Variants in SPR observed in about 807,000 individuals in gnomAD.
SPR encodes the protein Sepiapterin reductase (L-erythro-7,8-dihydrobiopterin forming).
SPR carries 12 observed loss-of-function variants against 16.0 expected under a neutral mutation model. That is an observed-to-expected ratio of 0.75 (90% CI 0.48 to 1.22). The LOEUF is 1.22. Ranked by LOEUF, SPR falls within the 50% of genes most tolerant of loss-of-function variation. The pLI, the probability that SPR is intolerant of heterozygous loss-of-function variation, is 0.00. For synonymous variants in SPR, 177 were observed against 168.5 expected (o/e 1.05, Z -0.39); for missense variants, 324 against 344.4 (o/e 0.94, Z 0.47).
At chr2:72,889,735 G>T (rs1474252636) in intron 2 of SPR, among the ~76,000 whole-genome samples, 1 of 152,226 alleles carries the variant, frequency 6.6e-6, no homozygotes, top group Non-Finnish European at 1.5e-5. Context: ...TCAGGAGGCT[G>T]CCCTGGGCAT....
In SPR at chr2:72,891,929, T is replaced by A. The variant is rs1201426689; in HGVS notation, c.*392T>A. The stretch of plus-strand genomic sequence containing the variant: ...ATCTGGTGTCGAATAGGAGGACCCA[T>A]GTAGATTCGCAGATGGCCTGGATGG... On this transcript the variant is annotated 3_prime_UTR_variant, in exon 3 of 3. Coordinates refer to ENST00000234454, the MANE Select transcript of SPR (RefSeq NM_003124.5). The A allele has an allele frequency of 7.7e-6, 2 of 261,046 alleles. No homozygotes were observed. Among genetic ancestry groups the A allele is most frequent in the Non-Finnish European group, 1.5e-5 (2 of 131,674 alleles). 16.2% of individuals were successfully genotyped at this position (261,046 alleles called of 1,614,324 possible).
intron 1 of SPR, 29 bp downstream of exon 1, chr2:72,887,765 C>T (rs1237170652): frequency 1.4e-6 from 2 of 1,476,954 alleles, no homozygotes; most frequent in Non-Finnish European, 1.8e-6. Flanking sequence ...AGCGGACTCC[C>T]CATGTGAGCG....
intron 2 of SPR, among the ~76,000 whole-genome samples, chr2:72,890,815 C>T (rs1279902606): frequency 6.6e-6 from 1 of 152,196 alleles, no homozygotes; most frequent in Admixed American, 6.5e-5. Context: ...TCCCAAAGTG[C>T]TGGGGTTGCA....
At chr2:72,888,004 T>C (rs1022233662) in intron 1 of SPR, among the ~76,000 whole-genome samples, 1 of 152,220 alleles carries the variant, frequency 6.6e-6, no homozygotes, top group South Asian at 2.1e-4. Context: ...CTCTGCGCCC[T>C]CTGGCGGAGG....
chr2:72,888,958 T>C (rs1259150195), intron 2 of SPR, among the ~76,000 whole-genome samples: 1 of 152,198 alleles, frequency 6.6e-6, no homozygotes, highest in African/African-American at 2.4e-5. Context: ...AATGAGATAC[T>C]GTATGTGAAA....
Position 72,891,768 on chromosome 2 carries a change from A to C in SPR, c.*231A>C. ...TGGGTTATAAGGAGGCTTAGGAGAG[A>C]GGTTATGGGTATTGGTGTCTCTATC... On this transcript the variant is annotated 3_prime_UTR_variant, in exon 3 of 3. Transcript: ENST00000234454. The C allele has an allele frequency of 1.7e-6, 1 of 589,040 alleles. No homozygotes were observed. Among genetic ancestry groups the C allele is most frequent in the Non-Finnish European group, 3.0e-6 (1 of 330,136 alleles). The allele number at this position is 589,040 out of a possible 1,614,324, so 36.5% of individuals were successfully genotyped here.
intron 2 of SPR, 86 bp from the exon 3 acceptor site, chr2:72,891,261 C>A: frequency 6.9e-7 from 1 of 1,448,676 alleles, no homozygotes; most frequent in Non-Finnish European, 9.6e-7. Flanking sequence ...CCTGACTCAG[C>A]CCCACCCCCG....
In SPR at chr2:72,891,777, G is replaced by A. The variant is rs1670625760; in HGVS notation, c.*240G>A. 4 of 573,304 alleles carry A rather than the reference G, an allele frequency of 7.0e-6. No individual in the cohort carries two copies. In the South Asian group the frequency reaches 8.1e-5, roughly 12 times the overall value. 35.5% of individuals were successfully genotyped at this position (573,304 alleles called of 1,614,324 possible). A position where few individuals can be genotyped will look rare whatever the true frequency, so the allele number is the denominator to read the frequency against. On this transcript the variant is annotated 3_prime_UTR_variant, in exon 3 of 3. Transcript: ENST00000234454. Reference sequence around the variant, plus strand: ...AGGAGGCTTAGGAGAGAGGTTATGGGTATTGGTGTCTCTATCCCCAGGAAT... The same window carrying A: ...AGGAGGCTTAGGAGAGAGGTTATGGATATTGGTGTCTCTATCCCCAGGAAT...
At chr2:72,890,604 G>T (rs1670602978) in intron 2 of SPR, among the ~76,000 whole-genome samples, 1 of 152,078 alleles carries the variant, frequency 6.6e-6, no homozygotes, top group African/African-American at 2.4e-5. Context: ...GCCTCCCAAA[G>T]TGCTGGGATT....
Position 72,888,462 on chromosome 2 carries a change from C to T in SPR, c.453C>T (p.Thr151=), listed in dbSNP as rs952303022. 7 of 1,613,892 alleles carry T rather than the reference C, an allele frequency of 4.3e-6. No homozygotes were observed. The highest frequency in any genetic ancestry group is 5.9e-6 in the Non-Finnish European group (7 of 1,179,970). Residue 151 remains threonine, a synonymous_variant, in exon 2 of 3, where the codon ACC becomes ACT. Transcript: ENST00000234454. Reference sequence around the variant, plus strand: ...CGGACAGTCCTGGCCTCAACAGAACCGTGGTTAACATCTCGTCCCTCTGTG... The same window carrying T: ...CGGACAGTCCTGGCCTCAACAGAACTGTGGTTAACATCTCGTCCCTCTGTG... The part of the protein sequence containing the change: ...AFPDSPGLNR[T]VVNISSLCAL...
chr2:72,891,571 C>T lies in SPR; in HGVS notation c.*34C>T. ...TTTTGGCTTCCTGAACCTTTTTGCC[C>T]CCACTTTTAGACATACCCCAGAGCC... is the stretch of plus-strand genomic sequence containing the variant. On this transcript the variant is annotated 3_prime_UTR_variant, in exon 3 of 3. Coordinates refer to ENST00000234454, the MANE Select transcript of SPR (RefSeq NM_003124.5). 1.9e-6 allele frequency: 3 copies of T among 1,612,982 alleles called. No homozygotes were observed. Among genetic ancestry groups the T allele is most frequent in the Non-Finnish European group, 2.5e-6 (3 of 1,179,448 alleles).
intron 2 of SPR, among the ~76,000 whole-genome samples, chr2:72,889,125 G>A (rs966763528): frequency 6.6e-6 from 1 of 152,224 alleles, no homozygotes; most frequent in African/African-American, 2.4e-5. Flanking sequence ...ACTACACTAA[G>A]GCAAGCTGCA....
At position 72,887,421 on chromosome 2, in the gene SPR, G is replaced by A; in HGVS notation, c.-12G>A. The A allele has an allele frequency of 6.8e-7, 1 of 1,471,938 alleles. No homozygotes were observed. The highest frequency in any genetic ancestry group is 9.0e-7 in the Non-Finnish European group (1 of 1,115,668). The allele number at this position is 1,471,938 out of a possible 1,614,324, so 91.2% of individuals were successfully genotyped here. On this transcript the variant is annotated 5_prime_UTR_variant, in exon 1 of 3. Coordinates refer to ENST00000234454, the MANE Select transcript of SPR (RefSeq NM_003124.5). ...GTCTCGGGTGCCAGCGCCGCCGGCGGAGAACAGGAGCATGGAGGGCGGGCT... is the reference window on the plus strand; with the variant it reads ...GTCTCGGGTGCCAGCGCCGCCGGCGAAGAACAGGAGCATGGAGGGCGGGCT...
In SPR at chr2:72,887,607, T is replaced by A; in HGVS notation, c.175T>A (p.Ser59Thr). 1 of 1,423,012 alleles carries A rather than the reference T, an allele frequency of 7.0e-7. No homozygotes were observed. Among genetic ancestry groups the A allele is most frequent in the Non-Finnish European group, 9.1e-7 (1 of 1,098,654 alleles). The allele number at this position is 1,423,012 out of a possible 1,614,324, so 88.1% of individuals were successfully genotyped here. A position where few individuals can be genotyped will look rare whatever the true frequency, so the allele number is the denominator to read the frequency against. ...QLEAELGAER[S>T]GLRVVRVPAD... ...GGAGGCCGAGCTGGGCGCCGAGCGG[T>A]CTGGCCTGCGCGTGGTGCGGGTGCC... is the stretch of plus-strand genomic sequence containing the variant. Residue 59 changes from serine to threonine, a missense_variant, in exon 1 of 3, where the codon TCT becomes ACT. Ser to Thr is a moderately conservative substitution (Grantham distance 58). Coordinates refer to ENST00000234454, the MANE Select transcript of SPR (RefSeq NM_003124.5).
chr2:72,887,638 A>T lies in SPR; in HGVS notation c.206A>T (p.Asp69Val). ...SGLRVVRVPA[D>V]LGAEAGLQQL... ...CTGCGCGTGGTGCGGGTGCCCGCCGACCTGGGCGCCGAGGCCGGCTTGCAG... is the reference window on the plus strand; with the variant it reads ...CTGCGCGTGGTGCGGGTGCCCGCCGTCCTGGGCGCCGAGGCCGGCTTGCAG... The change falls in exon 1 of 3, where the codon GAC becomes GTC. Residue 69 changes from aspartate (D) to valine (V), a missense_variant. Transcript: ENST00000234454. 6.9e-7 allele frequency: 1 copy of T among 1,456,686 alleles called. No homozygotes were observed. Among genetic ancestry groups the T allele is most frequent in the South Asian group, 1.4e-5 (1 of 74,058 alleles). The allele number at this position is 1,456,686 out of a possible 1,614,324, so 90.2% of individuals were successfully genotyped here.
chr2:72,888,261 G>A, intron 1 of SPR, 53 bp from the exon 2 acceptor site: 1 of 1,585,700 alleles, frequency 6.3e-7, no homozygotes, highest in Non-Finnish European at 8.7e-7. Flanking sequence ...GGAGGGCTGG[G>A]GAAGAAGAAA....
Position 72,887,575 on chromosome 2 carries a change from GC to G in SPR, c.145del (p.Gln49SerfsTer66). The G allele has an allele frequency of 7.0e-7, 1 of 1,427,940 alleles. No homozygotes were observed. 88.5% of individuals were successfully genotyped at this position (1,427,940 alleles called of 1,614,324 possible). On this transcript the variant is annotated frameshift_variant, in exon 1 of 3. Transcript: ENST00000234454. LOFTEE classifies it high-confidence loss of function. ...AGCGCCCGCAACGACGAGGCACTGC[GC>G]CAGCTGGAGGCCGAGCTGGGCGCCG... is the stretch of plus-strand genomic sequence containing the variant. ...VLSARNDEAL[R>X]QLEAELGAER...
Position 72,887,631 on chromosome 2 carries a change from C to T in SPR, c.199C>T (p.Pro67Ser). ...GTCTGGCCTGCGCGTGGTGCGGGTG[C>T]CCGCCGACCTGGGCGCCGAGGCCGG... ...ERSGLRVVRV[P>S]ADLGAEAGLQ... Residue 67 changes from proline (P) to serine (S), a missense_variant, in exon 1 of 3, where the codon CCC becomes TCC. Coordinates refer to ENST00000234454, the MANE Select transcript of SPR (RefSeq NM_003124.5). The T allele has an allele frequency of 7.0e-7, 1 of 1,436,964 alleles. No homozygotes were observed. The highest frequency in any genetic ancestry group is 9.1e-7 in the Non-Finnish European group (1 of 1,104,638). 89.0% of individuals were successfully genotyped at this position (1,436,964 alleles called of 1,614,324 possible). A position where few individuals can be genotyped will look rare whatever the true frequency, so the allele number is the denominator to read the frequency against.
chr2:72,891,483 A>G lies in SPR; in HGVS notation c.732A>G (p.Leu244=). The change falls in exon 3 of 3, where the codon TTA becomes TTG. Residue 244 remains leucine, a synonymous_variant. Coordinates refer to ENST00000234454, the MANE Select transcript of SPR (RefSeq NM_003124.5). ...TGTCAGCCCAGAAACTGCTGAGCTT[A>G]CTGGAAAAGGACGAGTTCAAGTCTG... ...CKVSAQKLLS[L]LEKDEFKSGA... 6.2e-7 allele frequency: 1 copy of G among 1,614,236 alleles called. No homozygotes were observed. The highest frequency in any genetic ancestry group is 8.5e-7 in the Non-Finnish European group (1 of 1,180,044).
Sources: gnomAD v4.1 joint callset for allele counts (sites outside exome capture counted in the v4.1 genomes callset) on GRCh38, gnomAD v4.1.1 for gene constraint, MANE v1.5 for transcripts, NCBI Gene and HGNC (gene_info 2026-07-23, HGNC 2026-07-21) for gene names.